Variants in RNLS observed in about 807,000 individuals in gnomAD.
RNLS encodes the protein renalase, FAD dependent amine oxidase.
In RNLS, 39 loss-of-function variants were observed where a neutral mutation model predicts 39.8. The observed-to-expected ratio is 0.98, with a 90% CI of 0.76 to 1.28. The LOEUF (loss-of-function observed/expected upper bound fraction) is 1.28. Among genes scored for constraint, RNLS ranks in the 50% most tolerant of loss-of-function variants. The pLI is 0.00. For missense variants in RNLS, 410 were observed against 413.3 expected (o/e 0.99, Z 0.07); for synonymous variants, 147 against 150.7 (o/e 0.98, Z 0.18).
At chr10:88,207,954 A>G in the RNLS span, among the ~76,000 whole-genome samples, 1 of 152,122 alleles carries the variant, frequency 6.6e-6, no homozygotes, top group African/African-American at 2.4e-5. Context: ...CCGCCTCATC[A>G]CATATGGAGG....
chr10:88,305,112 A>C (rs1225494977), intron 6 of RNLS, among the ~76,000 whole-genome samples: 1 of 152,072 alleles, frequency 6.6e-6, no homozygotes, highest in Non-Finnish European at 1.5e-5. Flanking sequence ...AAGCTTAAAG[A>C]AGAAGAAGAA....
intron 4 of RNLS, among the ~76,000 whole-genome samples, chr10:88,563,943 A>C (rs772866242): frequency 3.9e-5 from 6 of 152,182 alleles, no homozygotes; most frequent in Non-Finnish European, 8.8e-5. Context: ...GCATTTCCTT[A>C]ATTTGTGGTT....
chr10:88,520,042 T>G (rs1846636768), intron 4 of RNLS, among the ~76,000 whole-genome samples: 2 of 151,976 alleles, frequency 1.3e-5, no homozygotes, highest in Admixed American at 1.3e-4. Flanking sequence ...AAATTCATAA[T>G]ATGTAGAAGT....
At chr10:88,334,958 CAAAT>C (rs1269233825) in intron 5 of RNLS, among the ~76,000 whole-genome samples, 1 of 152,112 alleles carries the variant, frequency 6.6e-6, no homozygotes, top group Non-Finnish European at 1.5e-5. Context: ...AGTTAATTAA[CAAAT>C]TAATTAACGT....
intron 4 of RNLS, among the ~76,000 whole-genome samples, chr10:88,545,633 G>A (rs1848265680): frequency 6.6e-6 from 1 of 152,160 alleles, no homozygotes; most frequent in Admixed American, 6.5e-5. Flanking sequence ...TTCAATTGGA[G>A]AACTGGGTGG....
chr10:88,524,949 G>GCACA (rs761145374), intron 4 of RNLS, among the ~76,000 whole-genome samples: 2,268 of 49,434 alleles, frequency 0.046, 109 homozygotes, highest in African/African-American at 0.095. Context: ...TATATATATG[G>GCACA]CACACACATA....
intron 6 of RNLS, chr10:88,309,507 G>T: frequency 8.1e-7 from 1 of 1,233,116 alleles, no homozygotes; most frequent in Non-Finnish European, 1.1e-6. Context: ...TTCAGCCATT[G>T]CACATTTCCC....
At chr10:88,379,601 A>T (rs1310399428) in intron 4 of RNLS, among the ~76,000 whole-genome samples, 1 of 152,214 alleles carries the variant, frequency 6.6e-6, no homozygotes, top group Non-Finnish European at 1.5e-5. Flanking sequence ...AATGGTTGCA[A>T]CAATATCTCC....
intron 5 of RNLS, among the ~76,000 whole-genome samples, chr10:88,360,084 A>G (rs1013608722): frequency 4.6e-5 from 7 of 152,262 alleles, no homozygotes; most frequent in Non-Finnish European, 1.0e-4. Flanking sequence ...TTTTGAATGT[A>G]CATGACTCTT....
chr10:88,270,875 C>T (rs1443006007), downstream of RNLS, among the ~76,000 whole-genome samples: 1 of 152,150 alleles, frequency 6.6e-6, no homozygotes, highest in Non-Finnish European at 1.5e-5. Flanking sequence ...AATTAACAAA[C>T]CCCTGTTTGG....
chr10:88,481,120 C>T (rs1420256560), intron 4 of RNLS, among the ~76,000 whole-genome samples: 1 of 152,128 alleles, frequency 6.6e-6, no homozygotes, highest in Non-Finnish European at 1.5e-5. Context: ...TATCTGGTAA[C>T]AGTATAGCCA....
At chr10:88,337,266 T>G (rs1847572258) in intron 5 of RNLS, among the ~76,000 whole-genome samples, 2 of 152,150 alleles carry the variant, frequency 1.3e-5, no homozygotes, top group South Asian at 4.1e-4. Flanking sequence ...ACTACTGACC[T>G]CCAGGCTAGT....
At chr10:88,246,380 G>A in the RNLS span, among the ~76,000 whole-genome samples, 1 of 152,072 alleles carries the variant, frequency 6.6e-6, no homozygotes, top group African/African-American at 2.4e-5. Context: ...CCTCCAGTTT[G>A]CCAGCTTAGA....
intron 4 of RNLS, among the ~76,000 whole-genome samples, chr10:88,509,789 G>T (rs151227108): frequency 6.6e-6 from 1 of 152,066 alleles, no homozygotes; most frequent in Non-Finnish European, 1.5e-5. Context: ...ATTAAGGAAA[G>T]ATTTCCTCAC....
intron 6 of RNLS, among the ~76,000 whole-genome samples, chr10:88,301,468 T>G (rs1023815905): frequency 6.6e-6 from 1 of 152,244 alleles, no homozygotes; most frequent in African/African-American, 2.4e-5. Flanking sequence ...GGGCCCATTT[T>G]GGTTATCCGA....
chr10:88,202,889 A>C, the RNLS span, among the ~76,000 whole-genome samples: 1 of 152,056 alleles, frequency 6.6e-6, no homozygotes, highest in East Asian at 1.9e-4. Flanking sequence ...CCTTGCAAAC[A>C]CTGGCCACAT....
the RNLS span, among the ~76,000 whole-genome samples, chr10:88,173,595 T>C: frequency 6.6e-6 from 1 of 152,208 alleles, no homozygotes; most frequent in Admixed American, 6.5e-5. Context: ...TTTAAGAATA[T>C]TAATTCTTAC....
At chr10:88,182,158 T>G in the RNLS span, among the ~76,000 whole-genome samples, 1 of 152,136 alleles carries the variant, frequency 6.6e-6, no homozygotes, top group South Asian at 2.1e-4. Context: ...CTGCCTCTTT[T>G]ATGAGCCTCA....
chr10:88,242,659 C>A, the RNLS span, among the ~76,000 whole-genome samples: 1 of 152,134 alleles, frequency 6.6e-6, no homozygotes, highest in Non-Finnish European at 1.5e-5. Context: ...GCTGTAAAAA[C>A]CATAAGGGAG....
Sources: gnomAD v4.1 joint callset for allele counts (sites outside exome capture counted in the v4.1 genomes callset) on GRCh38, gnomAD v4.1.1 for gene constraint, MANE v1.5 for transcripts, NCBI Gene and HGNC (gene_info 2026-07-23, HGNC 2026-07-21) for gene names.